The following ANK2 variants were observed in gnomAD, a reference collection of about 807,000 sequenced individuals.
The protein encoded by ANK2 is ankyrin-2.
In ANK2, 83 loss-of-function variants were observed where a neutral mutation model predicts 360.5. That is an observed-to-expected ratio of 0.23 (90% CI 0.19 to 0.28). The LOEUF (loss-of-function observed/expected upper bound fraction) is 0.28. Among genes scored for constraint, ANK2 ranks in the 10% least tolerant of loss-of-function variants. The pLI, the probability that ANK2 is intolerant of heterozygous loss-of-function variation, is 1.00. For synonymous variants in ANK2, 1,740 were observed against 1,759.5 expected (o/e 0.99, Z 0.28); for missense variants, 4,201 against 4,795.7 (o/e 0.88, Z 3.66).
At chr4:113,038,088 T>A (rs2061997158) in intron 2 of ANK2, among the ~76,000 whole-genome samples, 1 of 152,020 alleles carries the variant, frequency 6.6e-6, no homozygotes, top group African/African-American at 2.4e-5. Context: ...AGCTTGTTTT[T>A]TAATTATCTT....
chr4:112,986,495 G>C (rs1425955051), intron 2 of ANK2, among the ~76,000 whole-genome samples: 2 of 152,096 alleles, frequency 1.3e-5, no homozygotes, highest in Non-Finnish European at 2.9e-5. Context: ...TCCAGTTAGG[G>C]AACTGTTGAT....
intron 1 of ANK2, among the ~76,000 whole-genome samples, chr4:112,855,628 T>C (rs1579798560): frequency 6.6e-6 from 1 of 152,238 alleles, no homozygotes; most frequent in South Asian, 2.1e-4. Flanking sequence ...GGTATTGTCC[T>C]AAGTTCATTA....
intron 13 of ANK2, among the ~76,000 whole-genome samples, chr4:113,263,112 C>T (rs551446070): frequency 6.1e-5 from 9 of 146,416 alleles, no homozygotes; most frequent in African/African-American, 1.5e-4. Flanking sequence ...CTATTGAACC[C>T]GGGAGGCTGA....
At chr4:112,803,238 C>G in the ANK2 span, among the ~76,000 whole-genome samples, 2 of 152,028 alleles carry the variant, frequency 1.3e-5, no homozygotes, top group African/African-American at 4.8e-5. Context: ...GTCCTAATTC[C>G]AGGAACCCTT....
chr4:112,878,534 C>T (rs2075817250), intron 1 of ANK2, among the ~76,000 whole-genome samples: 1 of 152,180 alleles, frequency 6.6e-6, no homozygotes, highest in East Asian at 1.9e-4. Context: ...CCATGTTGAC[C>T]AGACTGGTCT....
chr4:112,857,659 T>G (rs1448696331), intron 1 of ANK2, among the ~76,000 whole-genome samples: 1 of 152,212 alleles, frequency 6.6e-6, no homozygotes, highest in East Asian at 1.9e-4. Context: ...ATTCACCTCC[T>G]GCTGATGAGT....
At chr4:113,276,027 T>A (rs534369069) in intron 15 of ANK2, among the ~76,000 whole-genome samples, 1 of 149,458 alleles carries the variant, frequency 6.7e-6, no homozygotes, top group Non-Finnish European at 1.5e-5. Flanking sequence ...CTGCAACCTC[T>A]GCCTCCCGGG....
At chr4:113,185,016 C>G (rs756647425) in intron 2 of ANK2, among the ~76,000 whole-genome samples, 27 of 152,090 alleles carry the variant, frequency 1.8e-4, no homozygotes, top group Non-Finnish European at 3.5e-4. Flanking sequence ...TCGTCCATGT[C>G]CCTGCAAAGG....
intron 1 of ANK2, among the ~76,000 whole-genome samples, chr4:112,847,821 G>T (rs2149895908): frequency 6.6e-6 from 1 of 152,288 alleles, no homozygotes; most frequent in Middle Eastern, 3.4e-3. Flanking sequence ...TTACTTGCTA[G>T]TAACTAGAAG....
the ANK2 span, among the ~76,000 whole-genome samples, chr4:112,805,269 G>T: frequency 2.0e-5 from 3 of 152,042 alleles, no homozygotes; most frequent in Admixed American, 2.0e-4. Context: ...CCAGAGAAAT[G>T]GGAAATTCTT....
At chr4:113,031,082 T>C (rs1005422562) in intron 2 of ANK2, among the ~76,000 whole-genome samples, 2 of 152,040 alleles carry the variant, frequency 1.3e-5, no homozygotes, top group African/African-American at 4.8e-5. Flanking sequence ...ATTTAAGATA[T>C]TTGCTTGCTT....
intron 2 of ANK2, among the ~76,000 whole-genome samples, chr4:112,943,671 A>G (rs2094381228): frequency 6.6e-6 from 1 of 151,922 alleles, no homozygotes; most frequent in Non-Finnish European, 1.5e-5. Context: ...TTTACTACAG[A>G]TGTGTGTGTG....
At chr4:113,305,200 C>T (rs1356559185) in intron 23 of ANK2, among the ~76,000 whole-genome samples, 1 of 150,198 alleles carries the variant, frequency 6.7e-6, no homozygotes, top group East Asian at 1.9e-4. Context: ...ATTAGCCGGG[C>T]GTAGTGGCGG....
the ANK2 span, among the ~76,000 whole-genome samples, chr4:112,713,053 T>C: frequency 6.6e-6 from 1 of 152,206 alleles, no homozygotes; most frequent in African/African-American, 2.4e-5. Flanking sequence ...CACTGATCTG[T>C]TCTCTGTCCA....
chr4:112,921,719 C>T (rs1230282938), intron 2 of ANK2, among the ~76,000 whole-genome samples: 1 of 150,808 alleles, frequency 6.6e-6, no homozygotes, highest in Non-Finnish European at 1.5e-5. Context: ...CTATTTTTTC[C>T]TGTGTTTAAA....
chr4:112,999,699 A>G (rs555903691), intron 2 of ANK2, among the ~76,000 whole-genome samples: 2 of 151,778 alleles, frequency 1.3e-5, no homozygotes, highest in South Asian at 4.2e-4. Flanking sequence ...AGAGGCCCAT[A>G]TTCTCCATTT....
chr4:113,210,804 G>A (rs2099012845), intron 4 of ANK2, among the ~76,000 whole-genome samples: 1 of 152,132 alleles, frequency 6.6e-6, no homozygotes, highest in African/African-American at 2.4e-5. Flanking sequence ...CATGAGCATG[G>A]GAAGGCTATT....
intron 4 of ANK2, among the ~76,000 whole-genome samples, chr4:113,228,309 A>T (rs922005179): frequency 3.3e-5 from 5 of 152,114 alleles, no homozygotes; most frequent in South Asian, 2.1e-4. Flanking sequence ...CACTGTGCCC[A>T]ATTTGTAGTC....
intron 1 of ANK2, among the ~76,000 whole-genome samples, chr4:113,123,746 C>T (rs1030117585): frequency 1.1e-4 from 16 of 152,192 alleles, no homozygotes; most frequent in African/African-American, 3.1e-4. Context: ...TTTAAAGCTC[C>T]CTTGGTGATT....
Sources: gnomAD v4.1 joint callset for allele counts (sites outside exome capture counted in the v4.1 genomes callset) on GRCh38, gnomAD v4.1.1 for gene constraint, MANE v1.5 for transcripts, NCBI Gene and HGNC (gene_info 2026-07-23, HGNC 2026-07-21) for gene names.